The following COMMD10 variants were observed in gnomAD, a reference collection of about 807,000 sequenced individuals.
COMMD10 encodes COMM domain containing 10, also known as COMM domain-containing protein 10.
A neutral mutation model predicts 28.9 loss-of-function variants in COMMD10; 33 were observed. That is an observed-to-expected ratio of 1.14 (90% CI 0.87 to 1.53). The LOEUF is 1.53. Ranked by LOEUF, COMMD10 falls within the 40% of genes most tolerant of loss-of-function variation. The pLI is 0.00. For synonymous variants in COMMD10, 110 were observed against 81.7 expected, an observed-to-expected ratio of 1.35 and a Z score of -1.87; for missense variants, 310 against 233.4, an observed-to-expected ratio of 1.33 and a Z score of -2.14.
chr5:116,279,013 T>C (rs1029488194), intron 5 of COMMD10, among the ~76,000 whole-genome samples: 1 of 151,850 alleles, frequency 6.6e-6, no homozygotes, highest in Non-Finnish European at 1.5e-5. Flanking sequence ...AATGACTTGA[T>C]GTCAACTGAA....
At chr5:116,153,131 C>T (rs555804704) in intron 5 of COMMD10, among the ~76,000 whole-genome samples, 1 of 152,044 alleles carries the variant, frequency 6.6e-6, no homozygotes, top group African/African-American at 2.4e-5. Flanking sequence ...TATATTTTGG[C>T]TATATGTTTC....
chr5:116,231,598 A>C (rs1280271501), intron 5 of COMMD10, among the ~76,000 whole-genome samples: 1 of 121,976 alleles, frequency 8.2e-6, no homozygotes, highest in East Asian at 2.0e-4. Flanking sequence ...TGACAAACTT[A>C]TTATTTTCTT....
At chr5:116,265,108 A>G (rs556466080) in intron 5 of COMMD10, among the ~76,000 whole-genome samples, 1 of 151,806 alleles carries the variant, frequency 6.6e-6, no homozygotes, top group Non-Finnish European at 1.5e-5. Flanking sequence ...ACAATTTTGC[A>G]TTATTGGTGG....
chr5:116,260,599 A>T (rs974511081), intron 5 of COMMD10, among the ~76,000 whole-genome samples: 1 of 151,870 alleles, frequency 6.6e-6, no homozygotes, highest in African/African-American at 2.4e-5. Flanking sequence ...GTCTTGTTCT[A>T]TGCAAGATTT....
chr5:116,221,934 C>T (rs1749270837), intron 5 of COMMD10, among the ~76,000 whole-genome samples: 1 of 152,132 alleles, frequency 6.6e-6, no homozygotes, highest in South Asian at 2.1e-4. Context: ...AGAAAAAAAT[C>T]AAGCCTGTTT....
intron 5 of COMMD10, among the ~76,000 whole-genome samples, chr5:116,167,233 A>G (rs544432750): frequency 6.6e-6 from 1 of 151,984 alleles, no homozygotes; most frequent in African/African-American, 2.4e-5. Flanking sequence ...AATCAAGCAG[A>G]AGTAAGGATA....
intron 5 of COMMD10, among the ~76,000 whole-genome samples, chr5:116,191,834 C>T (rs181470931): frequency 1.7e-3 from 260 of 152,188 alleles, no homozygotes; most frequent in African/African-American, 5.9e-3. Context: ...GGAGGCCAAC[C>T]AGCACTAAAA....
chr5:116,267,924 C>T (rs1197020568), intron 5 of COMMD10, among the ~76,000 whole-genome samples: 1 of 151,826 alleles, frequency 6.6e-6, no homozygotes, highest in African/African-American at 2.4e-5. Flanking sequence ...GGATCCCTTC[C>T]TTACACCTTA....
chr5:116,175,213 T>C (rs1753463758), intron 5 of COMMD10, among the ~76,000 whole-genome samples: 1 of 152,102 alleles, frequency 6.6e-6, no homozygotes, highest in African/African-American at 2.4e-5. Flanking sequence ...TTTTTTATTT[T>C]TGTGTCTGTA....
chr5:116,133,924 A>G (rs1225084793), intron 4 of COMMD10, 144 bp from the exon 5 acceptor site: 2 of 556,026 alleles, frequency 3.6e-6, no homozygotes, highest in East Asian at 3.0e-5. Flanking sequence ...TTCGCAGAGT[A>G]TGCAGGTTAA....
intron 4 of COMMD10, among the ~76,000 whole-genome samples, chr5:116,113,219 C>CT (rs1314962731): frequency 6.6e-6 from 1 of 152,028 alleles, no homozygotes; most frequent in Non-Finnish European, 1.5e-5. Context: ...ATAGATGACA[C>CT]TTTTCTCTTG....
chr5:116,151,066 G>A (rs1250083989), intron 5 of COMMD10, among the ~76,000 whole-genome samples: 1 of 151,440 alleles, frequency 6.6e-6, no homozygotes, highest in African/African-American at 2.4e-5. Flanking sequence ...TTTTTGGCAT[G>A]AAGCGTTGTT....
intron 5 of COMMD10, among the ~76,000 whole-genome samples, chr5:116,231,923 G>C (rs567342608): frequency 1.3e-5 from 2 of 152,112 alleles, no homozygotes; most frequent in South Asian, 2.1e-4. Context: ...AACAGTTTAA[G>C]GTATGTTTAA....
chr5:116,119,136 A>G (rs1396479), intron 4 of COMMD10, among the ~76,000 whole-genome samples: 76,777 of 151,910 alleles, frequency 0.51, 22,017 homozygotes, highest in Non-Finnish European at 0.65. Flanking sequence ...AAATACATTG[A>G]TGATTTCCCT....
At chr5:116,125,030 A>G (rs937028048) in intron 4 of COMMD10, among the ~76,000 whole-genome samples, 3 of 152,250 alleles carry the variant, frequency 2.0e-5, no homozygotes, top group Middle Eastern at 6.8e-3. Context: ...GTGTCTCTTA[A>G]TTGGAACATT....
chr5:116,126,207 C>T (rs1008342276), intron 4 of COMMD10, among the ~76,000 whole-genome samples: 6 of 152,078 alleles, frequency 3.9e-5, no homozygotes, highest in Non-Finnish European at 8.8e-5. Context: ...CCTAGGAATC[C>T]AGCTTACAAG....
At chr5:116,152,556 A>G (rs142341513) in intron 5 of COMMD10, among the ~76,000 whole-genome samples, 12 of 144,840 alleles carry the variant, frequency 8.3e-5, no homozygotes, top group African/African-American at 3.1e-4. Context: ...CACCCCATTG[A>G]GGCAAGCATA....
intron 5 of COMMD10, among the ~76,000 whole-genome samples, chr5:116,244,583 G>A (rs182192360): frequency 2.1e-4 from 31 of 149,804 alleles, no homozygotes; most frequent in East Asian, 5.9e-4. Flanking sequence ...AAGTTTCCCC[G>A]GCTGAATCTT....
At chr5:116,282,460 T>C (rs1283577852) in intron 5 of COMMD10, among the ~76,000 whole-genome samples, 1 of 151,914 alleles carries the variant, frequency 6.6e-6, no homozygotes, top group East Asian at 1.9e-4. Flanking sequence ...ATTATATCAC[T>C]CTTATATCTA....
Sources: allele counts gnomAD v4.1 joint callset (sites outside exome capture counted in the v4.1 genomes callset), GRCh38; gene constraint gnomAD v4.1.1; transcripts MANE v1.5; gene names NCBI Gene and HGNC (gene_info 2026-07-23, HGNC 2026-07-21).